The following SIPA1L2 variants were observed in gnomAD, a reference collection of about 807,000 sequenced individuals.
SIPA1L2 encodes signal-induced proliferation-associated 1-like protein 2.
SIPA1L2 carries 56 observed loss-of-function variants against 163.9 expected under a neutral mutation model. The ratio of observed to expected loss-of-function variants is 0.34; its 90% confidence interval spans 0.28 to 0.43. The LOEUF is 0.43. Among genes scored for constraint, SIPA1L2 ranks in the 20% least tolerant of loss-of-function variants. The probability of loss-of-function intolerance (pLI) is 1.00; values close to 1 mark genes in which losing one functional copy is unlikely to be tolerated. For synonymous variants in SIPA1L2, 877 were observed against 865.7 expected (o/e 1.01, Z -0.23); for missense variants, 1,974 against 2,193.5 (o/e 0.90, Z 2.00).
chr1:232,434,222 C>T (rs550532058), intron 15 of SIPA1L2, among the ~76,000 whole-genome samples: 6 of 151,932 alleles, frequency 3.9e-5, no homozygotes, highest in South Asian at 2.1e-4. Flanking sequence ...TCATAAAAGA[C>T]GAATAAAGTA....
chr1:232,630,063 C>CG lies in SIPA1L2; in HGVS notation c.-514dup. ...TCTCGGCCTGCGCTCGGGCGGCCGG[C>CG]GGGGGCGCGGTGCTCCTCCTCCGTC... On this transcript the variant is annotated 5_prime_UTR_variant, in exon 1 of 23. Coordinates refer to ENST00000674635, the MANE Select transcript of SIPA1L2 (RefSeq NM_020808.5). 6.7e-6 allele frequency among the ~76,000 whole-genome samples: 1 copy of CG among 150,236 alleles called. No individual in the cohort carries two copies. The highest frequency in any genetic ancestry group is 2.0e-4 in the East Asian group (1 of 5,080).
intron 6 of SIPA1L2, among the ~76,000 whole-genome samples, 163 bp from the exon 7 acceptor site, chr1:232,479,893 A>G (rs1665238277): frequency 6.6e-6 from 1 of 152,128 alleles, no homozygotes; most frequent in African/African-American, 2.4e-5. Flanking sequence ...CACTGTTTCT[A>G]CCACTCCCGC....
intron 2 of SIPA1L2, among the ~76,000 whole-genome samples, chr1:232,525,479 C>A (rs1183443959): frequency 6.7e-6 from 1 of 148,218 alleles, no homozygotes; most frequent in Non-Finnish European, 1.5e-5. Context: ...TGGTCTGGAA[C>A]TTCTGACCTC....
chr1:232,478,988 C>T (rs1665182519), intron 7 of SIPA1L2, among the ~76,000 whole-genome samples: 1 of 152,190 alleles, frequency 6.6e-6, no homozygotes, highest in Non-Finnish European at 1.5e-5. Flanking sequence ...TCAACTATTT[C>T]TAGCGTAAGA....
At chr1:232,584,219 C>A (rs1660532240) in intron 1 of SIPA1L2, among the ~76,000 whole-genome samples, 1 of 152,156 alleles carries the variant, frequency 6.6e-6, no homozygotes, top group Non-Finnish European at 1.5e-5. Context: ...TCAATCATAT[C>A]CTTTTAGTCC....
intron 2 of SIPA1L2, among the ~76,000 whole-genome samples, chr1:232,540,493 T>C (rs933869496): frequency 1.3e-5 from 2 of 152,088 alleles, no homozygotes; most frequent in African/African-American, 4.8e-5. Flanking sequence ...CCATCCCCTC[T>C]GAATGAGGGA....
intron 10 of SIPA1L2, among the ~76,000 whole-genome samples, chr1:232,460,373 C>T (rs1281546995): frequency 6.6e-6 from 1 of 152,188 alleles, no homozygotes; most frequent in African/African-American, 2.4e-5. Flanking sequence ...CAACATCTCT[C>T]AAGCTTCAAT....
In SIPA1L2 at chr1:232,398,557, C is replaced by CT. The variant is rs560866466; in HGVS notation, c.*569dup. ...TGAACTAGTGTTAAACACAACAGTG[C>CT]TTTTTTTTTTTTTTAATCCCCCCAC... On this transcript the variant is annotated 3_prime_UTR_variant, in exon 23 of 23. Transcript: ENST00000674635. 89 of 138,138 alleles carry CT rather than the reference C, an allele frequency of 6.4e-4. No homozygotes were observed. Among genetic ancestry groups the CT allele is most frequent in the Admixed American group, 8.0e-4 (11 of 13,712 alleles). 8.6% of individuals were successfully genotyped at this position (138,138 alleles called of 1,614,324 possible). A position where few individuals can be genotyped will look rare whatever the true frequency, so the allele number is the denominator to read the frequency against.
intron 10 of SIPA1L2, among the ~76,000 whole-genome samples, chr1:232,458,737 T>A (rs550572830): frequency 6.6e-6 from 1 of 152,276 alleles, no homozygotes; most frequent in East Asian, 1.9e-4. Flanking sequence ...TATGAAAAAA[T>A]TTCTAACAAA....
intron 3 of SIPA1L2, among the ~76,000 whole-genome samples, chr1:232,504,219 C>A (rs1666615285): frequency 1.3e-5 from 2 of 149,792 alleles, no homozygotes; most frequent in Admixed American, 1.3e-4. Flanking sequence ...AAAATAACAA[C>A]AACAACAACA....
At chr1:232,570,578 T>A (rs1369496253) in intron 2 of SIPA1L2, among the ~76,000 whole-genome samples, 1 of 152,156 alleles carries the variant, frequency 6.6e-6, no homozygotes, top group African/African-American at 2.4e-5. Context: ...TTCATTAGGG[T>A]CCAATTGTAA....
intron 19 of SIPA1L2, among the ~76,000 whole-genome samples, chr1:232,412,447 T>C (rs1661012755): frequency 6.6e-6 from 1 of 152,210 alleles, no homozygotes; most frequent in Non-Finnish European, 1.5e-5. Context: ...CATAAACAAG[T>C]ACATGGACAT....
At chr1:232,591,428 C>T (rs1426372537) in intron 1 of SIPA1L2, among the ~76,000 whole-genome samples, 1 of 152,262 alleles carries the variant, frequency 6.6e-6, no homozygotes, top group African/African-American at 2.4e-5. Context: ...AAACCCAGCT[C>T]CTCCCTGGGT....
intron 1 of SIPA1L2, among the ~76,000 whole-genome samples, chr1:232,610,522 CA>C (rs1662182351): frequency 6.6e-6 from 1 of 152,334 alleles, no homozygotes; most frequent in East Asian, 1.9e-4. Flanking sequence ...AAATAAAATA[CA>C]TACAAAATTC....
At chr1:232,599,936 C>T (rs1358229009) in intron 1 of SIPA1L2, among the ~76,000 whole-genome samples, 1 of 152,248 alleles carries the variant, frequency 6.6e-6, no homozygotes, top group Non-Finnish European at 1.5e-5. Flanking sequence ...TTACCCAGAC[C>T]TAACTGATGA....
chr1:232,540,773 G>C (rs1166505855), intron 2 of SIPA1L2, among the ~76,000 whole-genome samples: 1 of 152,110 alleles, frequency 6.6e-6, no homozygotes, highest in Non-Finnish European at 1.5e-5. Context: ...GTGAAATACG[G>C]TGATAAAATT....
At chr1:232,525,602 C>T (rs74144357) in intron 2 of SIPA1L2, among the ~76,000 whole-genome samples, 2,609 of 152,096 alleles carry the variant, frequency 0.017, 82 homozygotes, top group African/African-American at 0.06. Context: ...TTACACCCCA[C>T]GAGACGCTTG....
intron 3 of SIPA1L2, 111 bp downstream of exon 3, chr1:232,513,746 T>A: frequency 8.6e-7 from 1 of 1,157,716 alleles, no homozygotes; most frequent in Non-Finnish European, 1.2e-6. Context: ...CCCAGTGGAC[T>A]ATGGCCTTGG....
chr1:232,560,988 A>G (rs1659002665), intron 2 of SIPA1L2, among the ~76,000 whole-genome samples: 1 of 152,212 alleles, frequency 6.6e-6, no homozygotes, highest in Non-Finnish European at 1.5e-5. Context: ...TTTCATTCCA[A>G]TATTTATTAA....
Sources: allele counts gnomAD v4.1 joint callset (sites outside exome capture counted in the v4.1 genomes callset), GRCh38; gene constraint gnomAD v4.1.1; transcripts MANE v1.5; gene names NCBI Gene and HGNC (gene_info 2026-07-23, HGNC 2026-07-21).